The following ART3 variants were observed in gnomAD, a reference collection of about 807,000 sequenced individuals.
ART3 encodes ecto-ADP-ribosyltransferase 3.
Under a neutral mutation model 48.5 loss-of-function variants are expected in ART3, and 49 were observed. The ratio of observed to expected loss-of-function variants is 1.01; its 90% CI spans 0.80 to 1.28. The LOEUF (loss-of-function observed/expected upper bound fraction) is 1.28. Ranked by LOEUF, ART3 falls within the 50% of genes most tolerant of loss-of-function variation. ART3 has a pLI of 0.00. For missense variants in ART3, 438 were observed against 454.3 expected (o/e 0.96, Z 0.33); for synonymous variants, 145 against 157.2 (o/e 0.92, Z 0.58).
At chr4:76,013,042 T>G (rs1253462634) in intron 1 of ART3, among the ~76,000 whole-genome samples, 1 of 152,052 alleles carries the variant, frequency 6.6e-6, no homozygotes, top group South Asian at 2.1e-4. Context: ...CACAGTTCAG[T>G]GGGGGAAAAC....
At chr4:76,039,754 C>A (rs1484224667) in intron 1 of ART3, among the ~76,000 whole-genome samples, 1 of 151,964 alleles carries the variant, frequency 6.6e-6, no homozygotes, top group Non-Finnish European at 1.5e-5. Context: ...TTTAAAAAGA[C>A]CCTGGAAATT....
intron 6 of ART3, 76 bp downstream of exon 6, chr4:76,100,396 G>T (rs1029166836): frequency 7.7e-6 from 11 of 1,422,740 alleles, no homozygotes; most frequent in Non-Finnish European, 1.1e-5. Flanking sequence ...ACTTTGGGAG[G>T]CCGAGGCGGG....
At chr4:76,105,961 C>T (rs1021789385) in intron 10 of ART3, 64 of 984,832 alleles carry the variant, frequency 6.5e-5, no homozygotes, top group Middle Eastern at 5.2e-4. Context: ...ACTCTACAAT[C>T]GTCCAGTAGG....
chr4:76,094,512 A>G (rs11097230), intron 3 of ART3, among the ~76,000 whole-genome samples: 22,688 of 152,144 alleles, frequency 0.15, 2,165 homozygotes, highest in East Asian at 0.36. Flanking sequence ...TACATAGTTA[A>G]TTTACTTTAG....
chr4:76,059,315 C>G (rs1718964952), intron 1 of ART3, among the ~76,000 whole-genome samples: 1 of 151,448 alleles, frequency 6.6e-6, no homozygotes, highest in Non-Finnish European at 1.5e-5. Flanking sequence ...TTTGCAAGGT[C>G]CAAAGATCAA....
intron 1 of ART3, among the ~76,000 whole-genome samples, chr4:76,012,587 T>G (rs1731906007): frequency 6.6e-6 from 1 of 152,324 alleles, no homozygotes; most frequent in South Asian, 2.1e-4. Context: ...TTTGCTAATC[T>G]TATTATCTGG....
chr4:76,062,221 A>C (rs1174862281), intron 1 of ART3, among the ~76,000 whole-genome samples: 1 of 152,224 alleles, frequency 6.6e-6, no homozygotes, highest in East Asian at 1.9e-4. Context: ...TTAAAAGCTA[A>C]GATATCCTGT....
Position 76,112,469 on chromosome 4 carries a change from GTCA to G in ART3, c.1125_1127del (p.Ile376del), listed in dbSNP as rs753756676. On this transcript the variant is annotated inframe_deletion, in exon 12 of 12. Coordinates refer to ENST00000355810, the MANE Select transcript of ART3 (RefSeq NM_001130016.3). ...ACTGCTGCTTCCACAGTTTGGGATGGTCATCATTTTAATCAGTGTTTCTGCTAT... is the reference window on the plus strand; with the variant it reads ...ACTGCTGCTTCCACAGTTTGGGATGGTCATTTTAATCAGTGTTTCTGCTAT... The G allele has an allele frequency of 1.4e-4, 226 of 1,613,910 alleles. 1 individual carries two copies. The highest frequency in any genetic ancestry group is 1.8e-4 in the Non-Finnish European group (209 of 1,179,990).
intron 1 of ART3, among the ~76,000 whole-genome samples, chr4:76,045,787 T>A (rs1346480651): frequency 6.6e-6 from 1 of 152,102 alleles, no homozygotes; most frequent in Admixed American, 6.6e-5. Context: ...GGGGCCTGGC[T>A]ATCTTGCTGT....
chr4:76,104,280 A>G, intron 9 of ART3: 1 of 899,124 alleles, frequency 1.1e-6, no homozygotes, highest in Non-Finnish European at 1.3e-6. Context: ...AAGTTATTCA[A>G]TAGAAACCTA....
At chr4:76,048,033 G>GC (rs1735678245) in intron 1 of ART3, among the ~76,000 whole-genome samples, 1 of 151,900 alleles carries the variant, frequency 6.6e-6, no homozygotes, top group Non-Finnish European at 1.5e-5. Flanking sequence ...ATAACCTATA[G>GC]CCCAGGGGTT....
At chr4:76,096,948 G>A (rs1726142708) in intron 3 of ART3, among the ~76,000 whole-genome samples, 1 of 152,200 alleles carries the variant, frequency 6.6e-6, no homozygotes, top group African/African-American at 2.4e-5. Flanking sequence ...TAGAGGGATA[G>A]GTTTGCTGTT....
upstream of ART3, chr4:76,074,609 G>C (rs998048513): frequency 6.6e-6 from 1 of 152,176 alleles, no homozygotes; most frequent in Non-Finnish European, 1.5e-5. Flanking sequence ...GCATAGTGTG[G>C]GGGGGCCAGA....
chr4:76,024,045 A>G (rs958114916), intron 1 of ART3, among the ~76,000 whole-genome samples: 3 of 152,238 alleles, frequency 2.0e-5, no homozygotes, highest in Non-Finnish European at 2.9e-5. Context: ...AAATAATTCA[A>G]TAAATGCTTT....
At chr4:76,082,685 T>A (rs1385990300) in intron 3 of ART3, 150 bp downstream of exon 3, 8 of 606,262 alleles carry the variant, frequency 1.3e-5, no homozygotes, top group Admixed American at 3.5e-5. Context: ...TTACCCATAG[T>A]TAATTTTATG....
At chr4:76,058,669 A>G (rs914950754) in intron 1 of ART3, 1 of 152,232 alleles carries the variant, frequency 6.6e-6, no homozygotes, top group African/African-American at 2.4e-5. Context: ...ATACACATAC[A>G]CACAAACACA....
At chr4:76,011,505 C>T (rs1309723270) in intron 1 of ART3, among the ~76,000 whole-genome samples, 2 of 152,298 alleles carry the variant, frequency 1.3e-5, no homozygotes, top group Non-Finnish European at 1.5e-5. Context: ...AACGACGGCC[C>T]CAGAAGGGCC....
intron 2 of ART3, among the ~76,000 whole-genome samples, chr4:76,080,057 G>C (rs1467552448): frequency 6.6e-6 from 1 of 152,066 alleles, no homozygotes; most frequent in African/African-American, 2.4e-5. Flanking sequence ...AGGTCCCTAA[G>C]CAGACTTATG....
chr4:76,030,289 C>G (rs1733757072), intron 1 of ART3, among the ~76,000 whole-genome samples: 1 of 152,162 alleles, frequency 6.6e-6, no homozygotes, highest in Non-Finnish European at 1.5e-5. Flanking sequence ...AACTGCTGAC[C>G]TCGTGATCCA....
Sources: gnomAD v4.1 joint callset for allele counts (sites outside exome capture counted in the v4.1 genomes callset) on GRCh38, gnomAD v4.1.1 for gene constraint, MANE v1.5 for transcripts, NCBI Gene and HGNC (gene_info 2026-07-23, HGNC 2026-07-21) for gene names.